Variants in LARP1 observed in about 807,000 individuals in gnomAD.
LARP1 encodes the protein la-related protein 1.
In LARP1, 36 loss-of-function variants were observed where a neutral mutation model predicts 122.7. That is an observed-to-expected ratio of 0.29 (90% CI 0.22 to 0.39). LARP1 has a LOEUF of 0.39. Among genes scored for constraint, LARP1 ranks in the 10% least tolerant of loss-of-function variants. The pLI is 1.00. For missense variants in LARP1, 1,040 were observed against 1,403.6 expected (o/e 0.74, Z 4.14); for synonymous variants, 539 against 528.7 (o/e 1.02, Z -0.27).
In LARP1 at chr5:154,692,154, C is replaced by G. The variant is rs561672494; in HGVS notation, c.-180+9117C>G. On this transcript the variant is annotated intron_variant, in intron 1 of 18. Transcript: ENST00000687700. Reference sequence around the variant, plus strand: ...CTAGTGCCCTGGAATAACACTGAAACCCCTTAGAACGGTGGAGAAGGCCTA... The same window carrying G: ...CTAGTGCCCTGGAATAACACTGAAAGCCCTTAGAACGGTGGAGAAGGCCTA... Among the ~76,000 whole-genome samples the G allele has an allele frequency of 1.6e-4, 24 of 152,330 alleles. No homozygotes were observed. In the South Asian group the frequency reaches 4.3e-3, roughly 28 times the overall value.
intron 1 of LARP1, chr5:154,786,816 C>A (rs114149527): frequency 0.011 from 1,862 of 173,932 alleles, 38 homozygotes; most frequent in African/African-American, 0.042. Flanking sequence ...CTTTTTCTGG[C>A]CTCAGTTCCC....
intron 1 of LARP1, among the ~76,000 whole-genome samples, chr5:154,723,761 A>G (rs921280500): frequency 5.9e-5 from 9 of 152,260 alleles, no homozygotes; most frequent in African/African-American, 2.2e-4. Flanking sequence ...GTAGTATGCC[A>G]GAATTGAAAC....
rs187792885 is a variant in LARP1 at position 154,731,915 on chromosome 5, G to A, written c.205+18785G>A. Among the ~76,000 whole-genome samples the A allele has an allele frequency of 5.5e-4, 83 of 152,030 alleles. No individual in the cohort carries two copies. The East Asian group carries it at 0.013, about 24-fold the overall frequency. ...CCCGCGCCTGTAGTCCCAGCTACTC[G>A]GGAGGCTGAGGCAGGAGAATTGCTT... On this transcript the variant is annotated intron_variant, in intron 1 of 18. Transcript: ENST00000336314.
In LARP1 at chr5:154,811,639, A is replaced by G; in HGVS notation, c.3080A>G (p.Asp1027Gly). 6.2e-7 allele frequency: 1 copy of G among 1,614,168 alleles called. No homozygotes were observed. The highest frequency in any genetic ancestry group is 8.5e-7 in the Non-Finnish European group (1 of 1,180,040). Residue 1027 changes from aspartate (D) to glycine (G), a missense_variant and splice_region_variant, in exon 18 of 19, where the codon GAT becomes GGT. This residue lies in a region of LARP1 where 129 missense variants were observed against 160.8 expected (regional missense o/e 0.80). Coordinates refer to ENST00000518297, the MANE Select transcript of LARP1 (RefSeq NM_033551.3). ...CGACGTCTTGAAGACTTCCGAGTAG[A>G]TGTAAGTGAAACTCTTTCTCTAACT... is the stretch of plus-strand genomic sequence containing the variant. ...KFRRLEDFRV[D>G]PPMGEEGNHK...
At position 154,792,673 on chromosome 5, in the gene LARP1, A is replaced by G. The variant is rs1302451745; in HGVS notation, c.616A>G (p.Met206Val). The stretch of plus-strand genomic sequence containing the variant: ...CCGTAAACTGCCACCCAAGAAGGAC[A>G]TGAAGGAACAGGAGAAAGGAGAAGG... ...PTRKLPPKKD[M>V]KEQEKGEGSD... Residue 206 changes from methionine (M) to valine (V), a missense_variant, in exon 4 of 19, where the codon ATG becomes GTG. Around this residue, in one of 8 missense-constraint regions of LARP1, gnomAD observed 257 missense variants for 273.3 expected, o/e 0.94. Transcript: ENST00000518297. The G allele has an allele frequency of 9.9e-6, 16 of 1,614,092 alleles. No individual in the cohort carries two copies. The highest frequency in any genetic ancestry group is 5.0e-5 in the Admixed American group (3 of 60,004).
intron 1 of LARP1, among the ~76,000 whole-genome samples, chr5:154,757,000 GGCGCCATGCGCC>G (rs1292756238): frequency 1.3e-5 from 2 of 149,098 alleles, no homozygotes; most frequent in Non-Finnish European, 3.0e-5. Context: ...GTGACAGTTG[GGCGCCATGCGCC>G]GCGCCGGCGG....
intron 1 of LARP1, among the ~76,000 whole-genome samples, chr5:154,691,260 T>TG (rs1754189287): frequency 2.9e-5 from 1 of 34,730 alleles, no homozygotes; most frequent in Non-Finnish European, 5.5e-5. Context: ...AGACTCCGTC[T>TG]CAAAAAAAAA....
intron 14 of LARP1, 106 bp downstream of exon 14, chr5:154,804,413 C>A: frequency 1.2e-6 from 1 of 850,902 alleles, no homozygotes; most frequent in South Asian, 1.5e-5. Context: ...TAAAGGGACC[C>A]TCATCTAAGA....
intron 1 of LARP1, among the ~76,000 whole-genome samples, chr5:154,717,074 G>C (rs1266324004): frequency 7.0e-6 from 1 of 142,806 alleles, no homozygotes; most frequent in Non-Finnish European, 1.5e-5. Flanking sequence ...AAAAAAAAAA[G>C]AAAAAGAAAA....
intron 1 of LARP1, among the ~76,000 whole-genome samples, chr5:154,719,105 G>A (rs1190021605): frequency 2.0e-5 from 3 of 152,158 alleles, no homozygotes; most frequent in Admixed American, 2.0e-4. Flanking sequence ...GTCCTGGGAA[G>A]CCTGGCTGGG....
chr5:154,796,729 A>C (rs955801484), intron 8 of LARP1, among the ~76,000 whole-genome samples: 1 of 152,196 alleles, frequency 6.6e-6, no homozygotes, highest in African/African-American at 2.4e-5. Flanking sequence ...GTCTTCATTT[A>C]TTAGGTGGAA....
Position 154,806,006 on chromosome 5 carries a change from A to G in LARP1, c.2672A>G (p.His891Arg). The G allele has an allele frequency of 6.2e-7, 1 of 1,614,114 alleles. No individual in the cohort carries two copies. The highest frequency in any genetic ancestry group is 8.5e-7 in the Non-Finnish European group (1 of 1,180,014). ...AATGGCTTCACACAACACGTCTACC[A>G]TAAGTATCGTAGGCGCTGCCTTAAT... Reference protein sequence around the residue: ...KENGFTQHVYHKYRRRCLNER... With the variant: ...KENGFTQHVYRKYRRRCLNER... Residue 891 changes from histidine to arginine, a missense_variant, in exon 15 of 19, where the codon CAT (histidine) becomes CGT (arginine). Coordinates refer to ENST00000518297, the MANE Select transcript of LARP1 (RefSeq NM_033551.3).
chr5:154,695,610 T>C (rs1323384332), intron 1 of LARP1, among the ~76,000 whole-genome samples: 1 of 151,840 alleles, frequency 6.6e-6, no homozygotes. Context: ...CGAGCCAAGA[T>C]CGTGCCACTG....
intron 1 of LARP1, among the ~76,000 whole-genome samples, chr5:154,724,715 G>A (rs1159472007): frequency 6.6e-6 from 1 of 151,178 alleles, no homozygotes; most frequent in African/African-American, 2.4e-5. Context: ...ACCCAGGCTG[G>A]AGTGCAGTGG....
intron 14 of LARP1, 198 bp from the exon 15 acceptor site, chr5:154,805,683 T>G: frequency 1.7e-6 from 1 of 575,722 alleles, no homozygotes; most frequent in East Asian, 2.9e-5. Flanking sequence ...CTCAGTATCC[T>G]CTGTAAAACT....
chr5:154,705,675 A>G (rs1754915356), intron 1 of LARP1: 1 of 151,892 alleles, frequency 6.6e-6, no homozygotes, highest in Admixed American at 6.6e-5. Flanking sequence ...CGCCCGGCCA[A>G]ACTCCTTGTT....
intron 1 of LARP1, among the ~76,000 whole-genome samples, chr5:154,737,499 C>T (rs1190135209): frequency 5.4e-5 from 7 of 128,762 alleles, no homozygotes; most frequent in Admixed American, 4.5e-4. Context: ...TGGAGTGCAG[C>T]GGTGAGATCT....
intron 1 of LARP1, among the ~76,000 whole-genome samples, chr5:154,765,455 A>G (rs1384626310): frequency 3.9e-5 from 6 of 152,116 alleles, no homozygotes; most frequent in African/African-American, 7.2e-5. Flanking sequence ...CAGCAGTGCA[A>G]TCACGGCTCA....
intron 1 of LARP1, among the ~76,000 whole-genome samples, chr5:154,690,517 G>C (rs937362796): frequency 5.1e-4 from 78 of 152,226 alleles, no homozygotes; most frequent in Non-Finnish European, 1.6e-4. Flanking sequence ...GTACAGAGAG[G>C]GAAAGTGACC....
Sources: gnomAD v4.1 joint callset for allele counts (sites outside exome capture counted in the v4.1 genomes callset) on GRCh38, gnomAD v4.1.1 for gene constraint, gnomAD v4.1.1 regional missense constraint, MANE v1.5 for transcripts, NCBI Gene and HGNC (gene_info 2026-07-23, HGNC 2026-07-21) for gene names.